PARP11: variants seen among roughly 807,000 people sequenced by gnomAD.
PARP11 encodes poly(ADP-ribose) polymerase family member 11.
PARP11 carries 31 observed loss-of-function variants against 42.9 expected under a neutral mutation model. The observed-to-expected ratio is 0.72, with a 90% CI of 0.54 to 0.98. The LOEUF (loss-of-function observed/expected upper bound fraction) is 0.98, where lower values mean the gene tolerates loss of function less well. PARP11 is among the 50% of genes least tolerant of loss of function. PARP11 has a pLI of 0.00. For missense variants in PARP11, 365 were observed against 413.1 expected (o/e 0.88, Z 1.01); for synonymous variants, 137 against 127.3 (o/e 1.08, Z -0.51).
chr12:3,818,345 G>A (rs1485846724), intron 6 of PARP11, among the ~76,000 whole-genome samples: 4 of 152,148 alleles, frequency 2.6e-5, no homozygotes, highest in Non-Finnish European at 4.4e-5. Flanking sequence ...TCCTCTTTTC[G>A]TCCTCTACCT....
At chr12:3,826,111 A>G (rs1485589207) in intron 4 of PARP11, 47 bp downstream of exon 4, 1 of 1,134,682 alleles carries the variant, frequency 8.8e-7, no homozygotes, top group South Asian at 1.5e-5. Flanking sequence ...GTCCAATAGT[A>G]AGAAAAAAAA....
intron 1 of PARP11, among the ~76,000 whole-genome samples, chr12:3,836,230 T>G (rs1947757995): frequency 6.6e-6 from 1 of 151,886 alleles, no homozygotes; most frequent in South Asian, 2.1e-4. Flanking sequence ...ACTGATCACA[T>G]ATAAGAGAAT....
At chr12:3,812,499 C>A (rs1463644606) in intron 7 of PARP11, 60 bp from the exon 8 acceptor site, 13 of 1,281,170 alleles carry the variant, frequency 1.0e-5, no homozygotes, top group Non-Finnish European at 1.4e-5. Flanking sequence ...TAAAAACAAG[C>A]AAAAACATTT....
At chr12:3,838,831 G>GGC (rs1291725351) in intron 1 of PARP11, among the ~76,000 whole-genome samples, 1 of 152,150 alleles carries the variant, frequency 6.6e-6, no homozygotes, top group Non-Finnish European at 1.5e-5. Flanking sequence ...TGGTTTCCTC[G>GGC]GCTCCCGGCG....
chr12:3,841,128 G>A, intron 1 of PARP11: 2 of 1,610,916 alleles, frequency 1.2e-6, no homozygotes, highest in East Asian at 2.2e-5. Context: ...AGCCCTTGAT[G>A]CCTTTGCCTC....
At chr12:3,842,382 G>C in intron 1 of PARP11, 1 of 1,611,852 alleles carries the variant, frequency 6.2e-7, no homozygotes, top group Non-Finnish European at 8.5e-7. Flanking sequence ...TGAGAAGTGA[G>C]GAGTCCTGGA....
chr12:3,845,079 C>T (rs1947973116), intron 1 of PARP11, among the ~76,000 whole-genome samples: 1 of 152,170 alleles, frequency 6.6e-6, no homozygotes, highest in African/African-American at 2.4e-5. Context: ...TTTTGAAGAA[C>T]AGACTGACCA....
intron 1 of PARP11, 22 bp from the exon 2 acceptor site, chr12:3,830,040 GAGGAAGAAATAATT>G: frequency 1.2e-6 from 2 of 1,608,708 alleles, no homozygotes; most frequent in Non-Finnish European, 1.7e-6. Flanking sequence ...GAAGGAGGTG[GAGGAAGAAATAATT>G]CTATTAATAA....
At chr12:3,821,738 T>C (rs776240011) in intron 6 of PARP11, 135 bp downstream of exon 6, 11 of 909,402 alleles carry the variant, frequency 1.2e-5, no homozygotes, top group Non-Finnish European at 1.7e-5. Context: ...CTGAAGAGCC[T>C]TGAGACCAGG....
At chr12:3,839,152 GGCC>G (rs1231336835) in intron 1 of PARP11, among the ~76,000 whole-genome samples, 1 of 149,162 alleles carries the variant, frequency 6.7e-6, no homozygotes, top group Non-Finnish European at 1.5e-5. Context: ...CGCTGCCTCG[GGCC>G]GCCGCCGCCG....
intron 4 of PARP11, among the ~76,000 whole-genome samples, chr12:3,825,208 ATTT>A (rs1305322690): frequency 6.6e-6 from 1 of 152,044 alleles, no homozygotes; most frequent in Non-Finnish European, 1.5e-5. Context: ...ATGCTTTAAG[ATTT>A]TTTCCTTCAA....
At chr12:3,846,476 A>C (rs888660340) in intron 1 of PARP11, among the ~76,000 whole-genome samples, 12 of 152,122 alleles carry the variant, frequency 7.9e-5, no homozygotes, top group Non-Finnish European at 1.5e-4. Context: ...GAAAACTTGG[A>C]TTGGGCGCAG....
At position 3,861,033 on chromosome 12, in the gene PARP11, A is replaced by G. The variant is rs911007609; in HGVS notation, c.18+12179T>C. Among the ~76,000 whole-genome samples the G allele has an allele frequency of 6.6e-6, 1 of 152,152 alleles. No homozygotes were observed. Among genetic ancestry groups the G allele is most frequent in the Non-Finnish European group, 1.5e-5 (1 of 68,020 alleles). Reference sequence around the variant, plus strand: ...TTTCACAGGGTCACAGCTGGAGGAGAATTTGCCTCAGGATGAATCATACCT... The same window carrying G: ...TTTCACAGGGTCACAGCTGGAGGAGGATTTGCCTCAGGATGAATCATACCT... On this transcript the variant is annotated intron_variant, in intron 1 of 7. Coordinates refer to ENST00000228820, the MANE Select transcript of PARP11 (RefSeq NM_020367.6). This position sits in a 1 kb window ranked among gnomAD's most constrained non-coding sequence, Gnocchi z 4.6.
At chr12:3,838,746 G>C (rs1285006893) in intron 1 of PARP11, among the ~76,000 whole-genome samples, 1 of 152,228 alleles carries the variant, frequency 6.6e-6, no homozygotes, top group African/African-American at 2.4e-5. Flanking sequence ...GATCCAGGGG[G>C]AGCCCCCACC....
At position 3,840,300 on chromosome 12, in the gene PARP11, A is replaced by G. The variant is rs1240121294; in HGVS notation, c.19-10282T>C. On this transcript the variant is annotated intron_variant, in intron 1 of 7. Transcript: ENST00000228820. This position sits in a 1 kb window ranked among gnomAD's most constrained non-coding sequence, Gnocchi z 4.4. ...CAAAGAACCTCAAGGCACCTCCCCC[A>G]GAAAGCTGGAACACAGTGTCAGGGA... 1 of 1,614,032 alleles carries G rather than the reference A, an allele frequency of 6.2e-7. No homozygotes were observed. The highest frequency in any genetic ancestry group is 1.3e-5 in the African/African-American group (1 of 74,924).
chr12:3,830,459 T>C (rs1591771024), intron 1 of PARP11, among the ~76,000 whole-genome samples: 1 of 152,202 alleles, frequency 6.6e-6, no homozygotes, highest in Non-Finnish European at 1.5e-5. Context: ...TTATATGGTG[T>C]TGAGTGTAAA....
chr12:3,840,245 T>C lies in PARP11; in HGVS notation c.19-10227A>G. The C allele has an allele frequency of 1.9e-6, 3 of 1,613,236 alleles. No homozygotes were observed. The highest frequency in any genetic ancestry group is 2.5e-6 in the Non-Finnish European group (3 of 1,179,166). On this transcript the variant is annotated intron_variant, in intron 1 of 7. Transcript: ENST00000228820. This position sits in a 1 kb window ranked among gnomAD's most constrained non-coding sequence, Gnocchi z 4.4. ...GGAGTTCATTCTGAGAATGGACCAG[T>C]TTTGGTTGAAGAACTGGGAAAGTAC...
intron 1 of PARP11, among the ~76,000 whole-genome samples, chr12:3,832,455 C>T (rs1438708123): frequency 1.3e-5 from 2 of 152,208 alleles, no homozygotes; most frequent in African/African-American, 4.8e-5. Context: ...AGTTACCAAG[C>T]CCCACTGTCT....
intron 1 of PARP11, among the ~76,000 whole-genome samples, chr12:3,839,142 C>G (rs1256669533): frequency 1.3e-5 from 2 of 150,128 alleles, no homozygotes; most frequent in African/African-American, 2.4e-5. Flanking sequence ...GAGCGCGGAC[C>G]GCTGCCTCGG....
Sources: allele counts gnomAD v4.1 joint callset (sites outside exome capture counted in the v4.1 genomes callset), GRCh38; gene constraint gnomAD v4.1.1; non-coding constraint Gnocchi (gnomAD v3.1); transcripts MANE v1.5; gene names NCBI Gene and HGNC (gene_info 2026-07-23, HGNC 2026-07-21).